AIG1: variants seen among roughly 807,000 people sequenced by gnomAD.
AIG1 encodes androgen induced 1, also known as androgen-induced gene 1 protein.
AIG1 carries 23 observed loss-of-function variants against 31.4 expected under a neutral mutation model. The observed-to-expected ratio is 0.73, with a 90% confidence interval of 0.53 to 1.04. The LOEUF (loss-of-function observed/expected upper bound fraction) is 1.04. AIG1 is among the 50% of genes least tolerant of loss of function. AIG1 has a pLI of 0.00. For synonymous variants in AIG1, 100 were observed against 110.5 expected, an observed-to-expected ratio of 0.90 and a Z score of 0.60; for missense variants, 274 against 295.0, an observed-to-expected ratio of 0.93 and a Z score of 0.52.
chr6:143,143,389 T>A (rs1285254667), intron 2 of AIG1, among the ~76,000 whole-genome samples: 1 of 146,426 alleles, frequency 6.8e-6, no homozygotes, highest in Admixed American at 7.0e-5. Flanking sequence ...TAGTCCTAGC[T>A]ACTTGGGAAG....
chr6:143,150,951 G>A (rs894892012), intron 2 of AIG1, among the ~76,000 whole-genome samples: 9 of 152,104 alleles, frequency 5.9e-5, no homozygotes, highest in African/African-American at 1.9e-4. Flanking sequence ...TCTAGATGGG[G>A]CCTAGGCAGT....
chr6:143,292,544 GAAAGGAACTCAGCCCTGCTGACAC>G lies in AIG1; in HGVS notation c.515+8320_515+8343del, dbSNP rs536556479. On this transcript the variant is annotated intron_variant, in intron 4 of 5. Coordinates refer to ENST00000357847, the MANE Select transcript of AIG1 (RefSeq NM_016108.4). The surrounding 1 kb of genome is among the most constrained non-coding windows in gnomAD (Gnocchi z 4.9). ...AAGGGATTCTCCCCTAGGGCTTCCA[GAAAGGAACTCAGCCCTGCTGACAC>G]CTTAATTTTAGCTCAGTGACACCTA... 3.1e-3 allele frequency among the ~76,000 whole-genome samples: 467 copies of G among 152,320 alleles called. No individual in the cohort carries two copies. Among genetic ancestry groups the G allele is most frequent in the African/African-American group, 0.011 (451 of 41,566 alleles).
At chr6:143,120,159 C>G (rs1462512422) in intron 1 of AIG1, among the ~76,000 whole-genome samples, 1 of 152,148 alleles carries the variant, frequency 6.6e-6, no homozygotes, top group Non-Finnish European at 1.5e-5. Context: ...ATCTCGAACT[C>G]CCGATCTCAG....
At chr6:143,183,386 G>A (rs1788927258) in intron 3 of AIG1, among the ~76,000 whole-genome samples, 1 of 152,060 alleles carries the variant, frequency 6.6e-6, no homozygotes, top group South Asian at 2.1e-4. Flanking sequence ...AGTAGAGAGG[G>A]GGTTTCACCA....
chr6:143,084,660 A>G (rs1271053355), intron 1 of AIG1, among the ~76,000 whole-genome samples: 1 of 152,194 alleles, frequency 6.6e-6, no homozygotes, highest in Non-Finnish European at 1.5e-5. Context: ...GTTGGCCTTC[A>G]ATAGAGTCGG....
intron 1 of AIG1, among the ~76,000 whole-genome samples, chr6:143,066,280 C>A (rs1776698439): frequency 6.8e-6 from 1 of 147,518 alleles, no homozygotes; most frequent in African/African-American, 2.6e-5. Flanking sequence ...TGCCTATTTT[C>A]TTTGTTTTTT....
At chr6:143,068,871 C>T (rs9496508) in intron 1 of AIG1, among the ~76,000 whole-genome samples, 1,956 of 152,086 alleles carry the variant, frequency 0.013, 44 homozygotes, top group African/African-American at 0.045. Flanking sequence ...TTTAAAATTA[C>T]GGATATCACT....
intron 3 of AIG1, among the ~76,000 whole-genome samples, chr6:143,199,397 GA>G (rs1021315800): frequency 6.6e-6 from 1 of 152,034 alleles, no homozygotes; most frequent in Non-Finnish European, 1.5e-5. Flanking sequence ...ATTAAATCGG[GA>G]AAAATGTTAG....
intron 4 of AIG1, among the ~76,000 whole-genome samples, chr6:143,313,978 G>T (rs1013734896): frequency 6.6e-6 from 1 of 151,602 alleles, no homozygotes; most frequent in Non-Finnish European, 1.5e-5. Context: ...ACTCCTATTC[G>T]GCATCATATA....
At chr6:143,168,311 G>C (rs958540002) in intron 3 of AIG1, among the ~76,000 whole-genome samples, 3 of 151,542 alleles carry the variant, frequency 2.0e-5, no homozygotes, top group Non-Finnish European at 4.4e-5. Flanking sequence ...CAACGTGCAG[G>C]TTTGTTACAT....
intron 1 of AIG1, among the ~76,000 whole-genome samples, chr6:143,062,931 C>G (rs1035464994): frequency 5.3e-5 from 8 of 152,160 alleles, no homozygotes; most frequent in African/African-American, 1.4e-4. Flanking sequence ...TACAGAGATG[C>G]TGTGGGAGCC....
intron 1 of AIG1, among the ~76,000 whole-genome samples, chr6:143,124,729 A>G (rs925648083): frequency 1.3e-5 from 2 of 152,120 alleles, no homozygotes; most frequent in African/African-American, 4.8e-5. Context: ...GGCAAAGGAG[A>G]AGCAGGTACC....
chr6:143,196,386 CA>C (rs1790238443), intron 3 of AIG1, among the ~76,000 whole-genome samples: 10 of 151,302 alleles, frequency 6.6e-5, no homozygotes, highest in Non-Finnish European at 8.9e-5. Flanking sequence ...CACACACACA[CA>C]CACACACACC....
intron 2 of AIG1, among the ~76,000 whole-genome samples, chr6:143,158,306 A>G (rs948131287): frequency 7.9e-5 from 12 of 152,156 alleles, no homozygotes; most frequent in Middle Eastern, 3.4e-3. Context: ...GCATTTCCCC[A>G]GTGCTCCCAT....
chr6:143,115,130 T>A (rs910362460), intron 1 of AIG1, among the ~76,000 whole-genome samples: 1 of 152,252 alleles, frequency 6.6e-6, no homozygotes, highest in African/African-American at 2.4e-5. Flanking sequence ...GTTTTGCAAT[T>A]TCCAGATTGG....
rs748531648 is a variant in AIG1 at position 143,061,030 on chromosome 6, C to T, written c.105C>T (p.Tyr35=). The stretch of plus-strand genomic sequence containing the variant: ...TCGAAATGCCCTCACACCAGACCTA[C>T]GGAGGGAGCTGGAAATTCCTGACGT... ...KAIEMPSHQT[Y]GGSWKFLTFI... is the part of the protein sequence containing the mutation. The change falls in exon 1 of 6, where the codon TAC becomes TAT. Residue 35 remains tyrosine (Y), a synonymous_variant. Transcript: ENST00000357847. 3 of 1,613,358 alleles carry T rather than the reference C, an allele frequency of 1.9e-6. No individual in the cohort carries two copies. Among genetic ancestry groups the T allele is most frequent in the Non-Finnish European group, 1.7e-6 (2 of 1,179,730 alleles).
At chr6:143,110,270 A>T (rs1046965726) in intron 1 of AIG1, among the ~76,000 whole-genome samples, 4 of 152,200 alleles carry the variant, frequency 2.6e-5, no homozygotes, top group African/African-American at 9.7e-5. Flanking sequence ...AAGTTCTCCA[A>T]CTTTGTTCTT....
At chr6:143,309,409 A>G (rs1030751049) in intron 4 of AIG1, among the ~76,000 whole-genome samples, 1 of 152,106 alleles carries the variant, frequency 6.6e-6, no homozygotes, top group Non-Finnish European at 1.5e-5. Flanking sequence ...GTGAGGTATT[A>G]GAGAAGTGCT....
chr6:143,114,137 T>C, intron 1 of AIG1, among the ~76,000 whole-genome samples: 1 of 152,184 alleles, frequency 6.6e-6, no homozygotes, highest in Non-Finnish European at 1.5e-5. Context: ...CCCAAATACA[T>C]AGGTAACTGC....
Sources: gnomAD v4.1 joint callset for allele counts (sites outside exome capture counted in the v4.1 genomes callset) on GRCh38, gnomAD v4.1.1 for gene constraint, Gnocchi (gnomAD v3.1) non-coding constraint, MANE v1.5 for transcripts, NCBI Gene and HGNC (gene_info 2026-07-23, HGNC 2026-07-21) for gene names.